PTPRT: variants seen among roughly 807,000 people sequenced by gnomAD.
The protein encoded by PTPRT is receptor-type tyrosine-protein phosphatase T.
In PTPRT, 56 loss-of-function variants were observed where a neutral mutation model predicts 176.8. That is an observed-to-expected ratio of 0.32 (90% confidence interval 0.26 to 0.40). PTPRT has a LOEUF of 0.40. PTPRT is among the 10% of genes least tolerant of loss of function. The pLI is 1.00. For missense variants in PTPRT, 1,540 were observed against 1,908.2 expected (o/e 0.81, Z 3.60); for synonymous variants, 783 against 739.0 (o/e 1.06, Z -0.96).
intron 6 of PTPRT, among the ~76,000 whole-genome samples, chr20:42,755,140 T>C (rs902815366): frequency 1.3e-5 from 2 of 152,084 alleles, no homozygotes; most frequent in African/African-American, 4.8e-5. Flanking sequence ...GGAAGTTCTC[T>C]GGGAGAAGAC....
intron 6 of PTPRT, among the ~76,000 whole-genome samples, chr20:42,709,905 AC>A (rs1278668188): frequency 1.3e-5 from 2 of 152,208 alleles, no homozygotes; most frequent in African/African-American, 4.8e-5. Flanking sequence ...CACTCATGTT[AC>A]ACCCTAGCAA....
chr20:43,083,342 A>ATG (rs1568774028), intron 1 of PTPRT, among the ~76,000 whole-genome samples: 18 of 119,278 alleles, frequency 1.5e-4, no homozygotes, highest in African/African-American at 5.5e-4. Flanking sequence ...ATATATATAT[A>ATG]TATATATATA....
At chr20:42,265,119 G>A (rs6030100) in intron 13 of PTPRT, among the ~76,000 whole-genome samples, 99,714 of 152,108 alleles carry the variant, frequency 0.66, 33,903 homozygotes, top group African/African-American at 0.83. Context: ...TTTTGCAGAT[G>A]AGAAAATGGG....
At chr20:42,361,152 A>G (rs999944020) in intron 9 of PTPRT, among the ~76,000 whole-genome samples, 1 of 152,106 alleles carries the variant, frequency 6.6e-6, no homozygotes, top group African/African-American at 2.4e-5. Context: ...GAGGCTTTGT[A>G]GAGGGTCTGT....
At chr20:42,116,146 A>G in intron 21 of PTPRT, 2 of 714,754 alleles carry the variant, frequency 2.8e-6, no homozygotes, top group South Asian at 3.0e-5. Context: ...AAACAAAAAA[A>G]GGTTTTGTGG....
chr20:43,071,903 T>C (rs1230112262), intron 1 of PTPRT, among the ~76,000 whole-genome samples: 2 of 152,272 alleles, frequency 1.3e-5, no homozygotes, highest in African/African-American at 4.8e-5. Context: ...CTGGAAGAGC[T>C]GCTGCCCCAC....
rs753264069 is a variant in PTPRT at position 42,079,134 on chromosome 20, A to G, written c.*1745T>C. On this transcript the variant is annotated 3_prime_UTR_variant, in exon 31 of 31. Transcript: ENST00000373187. ...GAGAGTTTCCCTGGCTGGTCCATTC[A>G]TAGCCTGAAGGAACAGGGAATTGTT... 3 of 192,154 alleles carry G rather than the reference A, an allele frequency of 1.6e-5. No individual in the cohort carries two copies. The highest frequency in any genetic ancestry group is 3.3e-5 in the Non-Finnish European group (3 of 91,902). The allele number at this position is 192,154 out of a possible 1,614,324, so 11.9% of individuals were successfully genotyped here.
At chr20:42,245,547 T>C (rs1031759549) in intron 14 of PTPRT, among the ~76,000 whole-genome samples, 1 of 152,224 alleles carries the variant, frequency 6.6e-6, no homozygotes, top group African/African-American at 2.4e-5. Flanking sequence ...ATATTCTCTC[T>C]TTTCCCTCCT....
intron 6 of PTPRT, among the ~76,000 whole-genome samples, chr20:42,704,982 G>C (rs111243749): frequency 2.2e-4 from 33 of 152,226 alleles, no homozygotes; most frequent in African/African-American, 7.5e-4. Flanking sequence ...GAGGCAGGCA[G>C]ATCACCTGAG....
At position 42,308,189 on chromosome 20, in the gene PTPRT, T is replaced by C. The variant is rs75334040; in HGVS notation, c.2139+7534A>G. Among the ~76,000 whole-genome samples, 107 of 152,230 alleles carry C rather than the reference T, an allele frequency of 7.0e-4. 1 individual carries two copies. In the East Asian group the frequency reaches 0.017, roughly 24 times the overall value. On this transcript the variant is annotated intron_variant, in intron 12 of 30. Coordinates refer to ENST00000373187, the MANE Select transcript of PTPRT (RefSeq NM_007050.6). ...ACAAAAATGGCCAACCAGCAGCTCA[T>C]ACTGCTGCTCTGTCTATGGAGCAGC... is the stretch of plus-strand genomic sequence containing the variant.
At chr20:43,087,295 G>A (rs543184054) in intron 1 of PTPRT, among the ~76,000 whole-genome samples, 13 of 150,590 alleles carry the variant, frequency 8.6e-5, no homozygotes, top group African/African-American at 7.3e-5. Flanking sequence ...ATATTGAACC[G>A]AGACTTCAAA....
intron 16 of PTPRT, among the ~76,000 whole-genome samples, chr20:42,183,246 G>A (rs981611253): frequency 1.3e-5 from 2 of 152,062 alleles, no homozygotes; most frequent in Non-Finnish European, 2.9e-5. Flanking sequence ...AATATTTCAA[G>A]TACTACAGAG....
At chr20:43,093,264 A>C (rs1400802795) in intron 1 of PTPRT, among the ~76,000 whole-genome samples, 3 of 152,184 alleles carry the variant, frequency 2.0e-5, no homozygotes, top group Admixed American at 6.5e-5. Context: ...TAAAATACAC[A>C]AATCTCTTTT....
intron 1 of PTPRT, among the ~76,000 whole-genome samples, chr20:43,074,777 G>A (rs1440634547): frequency 6.6e-6 from 1 of 152,154 alleles, no homozygotes; most frequent in Non-Finnish European, 1.5e-5. Flanking sequence ...ATTTAATCGA[G>A]TAGCTAGATG....
intron 1 of PTPRT, among the ~76,000 whole-genome samples, chr20:43,182,355 C>T (rs1047342456): frequency 1.3e-5 from 2 of 151,858 alleles, no homozygotes; most frequent in Non-Finnish European, 2.9e-5. Context: ...ATAAGCTCCA[C>T]GACGCTAAGA....
At chr20:42,504,264 TATTC>T (rs1159398491) in intron 7 of PTPRT, among the ~76,000 whole-genome samples, 1 of 152,176 alleles carries the variant, frequency 6.6e-6, no homozygotes, top group Non-Finnish European at 1.5e-5. Context: ...TAATCCCATC[TATTC>T]ATTTATTGTT....
At chr20:42,270,388 G>A (rs767591515) in intron 13 of PTPRT, 236 of 1,491,656 alleles carry the variant, frequency 1.6e-4, no homozygotes, top group Admixed American at 2.0e-4. Context: ...CCAGGGCTCT[G>A]GTGATCACCT....
chr20:43,096,586 G>GC (rs1008911896), intron 1 of PTPRT, among the ~76,000 whole-genome samples: 1 of 152,094 alleles, frequency 6.6e-6, no homozygotes, highest in African/African-American at 2.4e-5. Flanking sequence ...GCAGGCTCCC[G>GC]CCCCCCATCC....
intron 19 of PTPRT, among the ~76,000 whole-genome samples, chr20:42,120,759 A>C (rs553592338): frequency 1.3e-5 from 2 of 152,322 alleles, no homozygotes; most frequent in East Asian, 3.9e-4. Context: ...ATTGAGTAGA[A>C]GTTTAAGTTT....
Sources: gnomAD v4.1 joint callset for allele counts (sites outside exome capture counted in the v4.1 genomes callset) on GRCh38, gnomAD v4.1.1 for gene constraint, MANE v1.5 for transcripts, NCBI Gene and HGNC (gene_info 2026-07-23, HGNC 2026-07-21) for gene names.